PCDH11X: variants seen among roughly 807,000 people sequenced by gnomAD.
The protein encoded by PCDH11X is protocadherin 11 X-linked.
Under a neutral mutation model 53.3 loss-of-function variants are expected in PCDH11X, and 18 were observed. That is an observed-to-expected ratio of 0.34 (90% CI 0.23 to 0.50). The LOEUF is 0.50. Ranked by LOEUF, PCDH11X falls within the 20% of genes least tolerant of loss-of-function variation. The pLI is 0.98. For missense variants in PCDH11X, 570 were observed against 1,032.4 expected (o/e 0.55, Z 6.14); for synonymous variants, 279 against 393.3 (o/e 0.71, Z 3.44).
chrX:91,814,168 CT>C (rs1936381637), intron 4 of PCDH11X, among the ~76,000 whole-genome samples: 1 of 110,049 alleles, frequency 9.1e-6, no homozygotes, highest in Non-Finnish European at 1.9e-5. Flanking sequence ...TAACTCCCCA[CT>C]TTCCCTAATT....
In PCDH11X at chrX:91,854,735, C is replaced by G. The variant is rs1416326301; in HGVS notation, c.540+18691C>G. On this transcript the variant is annotated intron_variant, in intron 5 of 10. Coordinates refer to ENST00000682573, the MANE Select transcript of PCDH11X (RefSeq NM_032968.5). ...TATTGTAGTTTTGATTTGCATTTCT[C>G]TGATGATTAATTATGTCAAACATCT... Among the ~76,000 whole-genome samples the G allele has an allele frequency of 6.2e-5, 7 of 112,073 alleles. 1 individual carries two copies. In the Admixed American group the frequency reaches 6.6e-4, roughly 11 times the overall value.
intron 6 of PCDH11X, chrX:91,982,624 T>C (rs1193544522): frequency 8.6e-6 from 9 of 1,040,765 alleles, no homozygotes; most frequent in Non-Finnish European, 1.2e-5. Context: ...CAAAATAGTT[T>C]AAAATTAAAC....
chrX:92,521,064 C>T (rs924172928), intron 10 of PCDH11X, among the ~76,000 whole-genome samples: 4 of 111,178 alleles, frequency 3.6e-5, no homozygotes, highest in Non-Finnish European at 7.5e-5. Flanking sequence ...GAATAAACTT[C>T]TTCCAAACTC....
chrX:91,943,338 G>A (rs969268188), intron 6 of PCDH11X, among the ~76,000 whole-genome samples: 1 of 110,207 alleles, frequency 9.1e-6, no homozygotes, highest in African/African-American at 3.3e-5. Flanking sequence ...TAACACGTGA[G>A]AAACGATGCA....
At chrX:92,014,848 G>A (rs1223765990) in intron 6 of PCDH11X, among the ~76,000 whole-genome samples, 5 of 110,598 alleles carry the variant, frequency 4.5e-5, no homozygotes, top group Admixed American at 9.7e-5. Context: ...GAACACATGG[G>A]CACAGGAAGT....
intron 7 of PCDH11X, among the ~76,000 whole-genome samples, chrX:92,232,212 G>A (rs1317913764): frequency 9.0e-6 from 1 of 111,524 alleles, no homozygotes; most frequent in Non-Finnish European, 1.9e-5. Flanking sequence ...GTATGGTGGT[G>A]TATATTATAA....
chrX:92,534,250 G>GCC (rs1303186259), intron 10 of PCDH11X, among the ~76,000 whole-genome samples: 2 of 111,329 alleles, frequency 1.8e-5, no homozygotes, highest in African/African-American at 6.5e-5. Context: ...AGAACTACGT[G>GCC]ATGCATGCAC....
chrX:92,506,540 T>C (rs1296409526), intron 10 of PCDH11X, among the ~76,000 whole-genome samples: 2 of 105,856 alleles, frequency 1.9e-5, no homozygotes, highest in Admixed American at 2.1e-4. Context: ...TCATATTTTT[T>C]ATTTCCATAT....
chrX:91,854,359 C>G (rs1331036833), intron 5 of PCDH11X, among the ~76,000 whole-genome samples: 1 of 112,241 alleles, frequency 8.9e-6, no homozygotes, highest in Non-Finnish European at 1.9e-5. Context: ...AATAGTACTC[C>G]ATTTTGTATA....
In PCDH11X at chrX:92,149,082, A is replaced by G. The variant is rs751336549; in HGVS notation, c.3034-52293A>G. 6.3e-5 allele frequency among the ~76,000 whole-genome samples: 7 copies of G among 111,312 alleles called. No homozygotes were observed. In the East Asian group the frequency reaches 2.0e-3, roughly 31 times the overall value. ...TACTTCAACTTTGCTATCCTCATCT[A>G]TCAGAAACGAGTGTATCTGTATTGT... On this transcript the variant is annotated intron_variant, in intron 6 of 10. Transcript: ENST00000682573.
At chrX:92,384,858 A>T (rs1466883709) in intron 8 of PCDH11X, among the ~76,000 whole-genome samples, 5 of 99,443 alleles carry the variant, frequency 5.0e-5, no homozygotes, top group Admixed American at 2.2e-4. Context: ...GCTAATGTTA[A>T]TCTTACAAAG....
At chrX:92,188,052 C>T (rs972274900) in intron 6 of PCDH11X, among the ~76,000 whole-genome samples, 2 of 111,480 alleles carry the variant, frequency 1.8e-5, no homozygotes, top group Admixed American at 1.9e-4. Flanking sequence ...GGATGAGGCT[C>T]ATCTGCATCT....
intron 10 of PCDH11X, among the ~76,000 whole-genome samples, chrX:92,614,515 T>C (rs1349424279): frequency 9.1e-6 from 1 of 110,004 alleles, no homozygotes; most frequent in Non-Finnish European, 1.9e-5. Context: ...GAGCTGGCTG[T>C]ACCTGATGTG....
intron 8 of PCDH11X, among the ~76,000 whole-genome samples, chrX:92,296,569 G>A (rs1413351782): frequency 1.8e-5 from 2 of 111,605 alleles, no homozygotes; most frequent in Non-Finnish European, 3.8e-5. Context: ...TGCTGCAAAA[G>A]ACATGATCTT....
At chrX:91,945,584 A>G (rs1348445058) in intron 6 of PCDH11X, among the ~76,000 whole-genome samples, 1 of 99,902 alleles carries the variant, frequency 1.0e-5, no homozygotes, top group Non-Finnish European at 2.0e-5. Flanking sequence ...TCAGAAGACA[A>G]GTATATGATA....
chrX:92,590,939 A>G (rs1924970445), intron 10 of PCDH11X, among the ~76,000 whole-genome samples: 1 of 110,998 alleles, frequency 9.0e-6, no homozygotes, highest in African/African-American at 3.3e-5. Context: ...ATTGCCCTAC[A>G]CTACCCATTG....
chrX:92,256,174 C>A (rs772453706), intron 7 of PCDH11X, among the ~76,000 whole-genome samples: 5 of 111,960 alleles, frequency 4.5e-5, no homozygotes, highest in South Asian at 3.8e-4. Context: ...GCGCAGTATT[C>A]GGGTGGGAGT....
At chrX:92,156,970 TTAAC>T (rs1411319508) in intron 6 of PCDH11X, among the ~76,000 whole-genome samples, 9 of 111,801 alleles carry the variant, frequency 8.1e-5, no homozygotes, top group African/African-American at 2.9e-4. Context: ...TGAATACACT[TTAAC>T]TAAGGCAGGA....
intron 1 of PCDH11X, 78 bp downstream of exon 1, chrX:91,779,762 C>T (rs1935060689): frequency 1.9e-5 from 2 of 103,368 alleles, no homozygotes; most frequent in Non-Finnish European, 4.0e-5. Context: ...CGGACACTGC[C>T]CGCTGCCTGC....
Sources: allele counts gnomAD v4.1 joint callset (sites outside exome capture counted in the v4.1 genomes callset), GRCh38; gene constraint gnomAD v4.1.1; transcripts MANE v1.5; gene names NCBI Gene and HGNC (gene_info 2026-07-23, HGNC 2026-07-21).